The following ZNF618 variants were observed in gnomAD, a reference collection of about 807,000 sequenced individuals.
ZNF618 encodes the protein neural precursor cell expressed, developmentally down-regulated 10.
ZNF618 carries 34 observed loss-of-function variants against 103.0 expected under a neutral mutation model. The observed-to-expected ratio is 0.33, with a 90% CI of 0.25 to 0.44. The LOEUF (loss-of-function observed/expected upper bound fraction) is 0.44. Ranked by LOEUF, ZNF618 falls within the 20% of genes least tolerant of loss-of-function variation. The pLI is 1.00. For missense variants in ZNF618, 1,059 were observed against 1,295.4 expected, an observed-to-expected ratio of 0.82 and a Z score of 2.80; for synonymous variants, 551 against 542.2, an observed-to-expected ratio of 1.02 and a Z score of -0.23.
intron 9 of ZNF618, among the ~76,000 whole-genome samples, chr9:114,013,114 T>C (rs1842391978): frequency 6.6e-6 from 1 of 152,152 alleles, no homozygotes; most frequent in Admixed American, 6.5e-5. Flanking sequence ...TGGATAAGTG[T>C]TGAAGGGAAA....
At position 114,033,132 on chromosome 9, in the gene ZNF618, G is replaced by T. The variant is rs183963080; in HGVS notation, c.1168+404G>T. On this transcript the variant is annotated intron_variant, in intron 12 of 14. Transcript: ENST00000374126. Reference sequence around the variant, plus strand: ...GCAGTTGAGAGAGCTCTAAGAGGCCGGGCGCCGTGGCTCACACCTGTAATC... The same window carrying T: ...GCAGTTGAGAGAGCTCTAAGAGGCCTGGCGCCGTGGCTCACACCTGTAATC... Among the ~76,000 whole-genome samples the T allele has an allele frequency of 2.6e-4, 39 of 152,284 alleles. 1 individual carries two copies. In the East Asian group the frequency reaches 6.6e-3, roughly 26 times the overall value.
At chr9:113,967,485 G>A (rs1366345869) in intron 1 of ZNF618, among the ~76,000 whole-genome samples, 1 of 152,170 alleles carries the variant, frequency 6.6e-6, no homozygotes, top group African/African-American at 2.4e-5. Context: ...GTGGGAAACA[G>A]GAGCTGTTTG....
intron 1 of ZNF618, among the ~76,000 whole-genome samples, chr9:113,950,291 C>T (rs1025128618): frequency 6.6e-6 from 1 of 152,180 alleles, no homozygotes; most frequent in Non-Finnish European, 1.5e-5. Flanking sequence ...GTTGACACCC[C>T]CACCTCTGTC....
intron 13 of ZNF618, among the ~76,000 whole-genome samples, chr9:114,041,437 C>T (rs1845171142): frequency 6.6e-6 from 1 of 152,172 alleles, no homozygotes; most frequent in Non-Finnish European, 1.5e-5. Context: ...GCCTAGGTTT[C>T]CTTCTAGGGT....
chr9:113,932,256 C>T (rs1285046222), intron 1 of ZNF618, among the ~76,000 whole-genome samples: 1 of 152,066 alleles, frequency 6.6e-6, no homozygotes, highest in Non-Finnish European at 1.5e-5. Context: ...TGGGGAACAG[C>T]ATTCTAGGTG....
intron 11 of ZNF618, among the ~76,000 whole-genome samples, chr9:114,029,669 GAACAA>G (rs1564321278): frequency 6.6e-6 from 1 of 152,116 alleles, no homozygotes; most frequent in African/African-American, 2.4e-5. Flanking sequence ...GATCTGCTCT[GAACAA>G]AGCAGGATAA....
chr9:114,012,970 A>G (rs1440218950), intron 9 of ZNF618, among the ~76,000 whole-genome samples: 1 of 149,046 alleles, frequency 6.7e-6, no homozygotes, highest in African/African-American at 2.4e-5. Context: ...CATAGATCTC[A>G]GTGACTTTTT....
At chr9:113,978,906 T>G (rs10982024) in intron 2 of ZNF618, among the ~76,000 whole-genome samples, 137,699 of 152,178 alleles carry the variant, frequency 0.9, 62,524 homozygotes, top group East Asian at 1. Flanking sequence ...TAAGCACTCA[T>G]TACACCACAG....
At chr9:113,935,009 C>A (rs1282925440) in intron 1 of ZNF618, among the ~76,000 whole-genome samples, 1 of 152,220 alleles carries the variant, frequency 6.6e-6, no homozygotes, top group Non-Finnish European at 1.5e-5. Context: ...CTGGCTGTCC[C>A]CAGGTGCAAG....
At chr9:113,876,462 C>T (rs1827940068) in intron 1 of ZNF618, 49 bp downstream of exon 1, 1 of 1,163,762 alleles carries the variant, frequency 8.6e-7, no homozygotes, top group African/African-American at 1.6e-5. Context: ...CCCCGGGGGG[C>T]CGGGGCCCGG....
chr9:113,906,916 ATC>A (rs1210646233), intron 1 of ZNF618, among the ~76,000 whole-genome samples: 1 of 152,188 alleles, frequency 6.6e-6, no homozygotes, highest in East Asian at 1.9e-4. Flanking sequence ...GCTCTTCTCC[ATC>A]TCTCAGCTCT....
At chr9:113,993,431 C>T (rs1411325385) in intron 3 of ZNF618, among the ~76,000 whole-genome samples, 1 of 152,224 alleles carries the variant, frequency 6.6e-6, no homozygotes, top group Non-Finnish European at 1.5e-5. Flanking sequence ...TGCCATTCTT[C>T]TTGATGAAGA....
intron 3 of ZNF618, among the ~76,000 whole-genome samples, chr9:113,995,282 A>G (rs1336741473): frequency 2.1e-5 from 3 of 140,748 alleles, no homozygotes; most frequent in Non-Finnish European, 4.7e-5. Flanking sequence ...AAAGCTCTAC[A>G]TTCTCCAACA....
rs112447391 is a variant in ZNF618 at position 114,044,440 on chromosome 9, A to G, written c.1247-3453A>G. Among the ~76,000 whole-genome samples, 9 of 152,236 alleles carry G rather than the reference A, an allele frequency of 5.9e-5. 2 individuals are homozygous for G. The highest frequency in any genetic ancestry group is 1.7e-4 in the African/African-American group (7 of 41,562). ...CCAGTACTATGCTATTTTGGTGAATATAGCCTTGTAGTATAGTTCGAAGTC... is the reference window on the plus strand; with the variant it reads ...CCAGTACTATGCTATTTTGGTGAATGTAGCCTTGTAGTATAGTTCGAAGTC... On this transcript the variant is annotated intron_variant, in intron 13 of 14. Transcript: ENST00000374126.
chr9:114,038,837 A>C (rs1407678028), intron 13 of ZNF618, among the ~76,000 whole-genome samples: 1 of 152,198 alleles, frequency 6.6e-6, no homozygotes, highest in Non-Finnish European at 1.5e-5. Context: ...AGGCTCAGAG[A>C]ACATAATCAC....
intron 1 of ZNF618, among the ~76,000 whole-genome samples, chr9:113,903,523 A>G (rs528220624): frequency 3.4e-4 from 51 of 151,662 alleles, no homozygotes; most frequent in Non-Finnish European, 7.4e-5. Flanking sequence ...AGCATCTATC[A>G]TAGTTTATGT....
intron 1 of ZNF618, among the ~76,000 whole-genome samples, chr9:113,959,961 T>C (rs1345420687): frequency 6.6e-6 from 1 of 152,188 alleles, no homozygotes; most frequent in Non-Finnish European, 1.5e-5. Context: ...GGTGAATTCT[T>C]CTATTCTTCC....
intron 13 of ZNF618, among the ~76,000 whole-genome samples, chr9:114,047,326 T>G (rs555619528): frequency 6.6e-6 from 1 of 152,342 alleles, no homozygotes; most frequent in Non-Finnish European, 1.5e-5. Context: ...ATATCCGAGC[T>G]TCAGTTTCCA....
rs200093374 is a variant in ZNF618 at position 114,040,337 on chromosome 9, C to CTT, written c.1246+3973_1246+3974dup. ...GTAAGAAAGGCTACTTGTTTTCTTT[C>CTT]TTTTTTTTTTTTTTATTGTACTTTA... On this transcript the variant is annotated intron_variant, in intron 13 of 14. Coordinates refer to ENST00000374126, the MANE Select transcript of ZNF618 (RefSeq NM_001318042.2). Among the ~76,000 whole-genome samples the CTT allele has an allele frequency of 4.9e-5, 7 of 142,342 alleles. 1 individual carries two copies. The highest frequency in any genetic ancestry group is 6.1e-5 in the Non-Finnish European group (4 of 65,144). 93.4% of individuals were successfully genotyped at this position (142,342 alleles called of 152,430 possible).
Sources: gnomAD v4.1 joint callset for allele counts (sites outside exome capture counted in the v4.1 genomes callset) on GRCh38, gnomAD v4.1.1 for gene constraint, MANE v1.5 for transcripts, NCBI Gene and HGNC (gene_info 2026-07-23, HGNC 2026-07-21) for gene names.